Variants in TBXAS1 observed in about 807,000 individuals in gnomAD.
TBXAS1 encodes the protein thromboxane-A synthase.
In TBXAS1, 48 loss-of-function variants were observed where a neutral mutation model predicts 60.7. The ratio of observed to expected loss-of-function variants is 0.79; its 90% CI spans 0.63 to 1.01. The LOEUF (loss-of-function observed/expected upper bound fraction) is 1.01. Ranked by LOEUF, TBXAS1 falls within the 50% of genes least tolerant of loss-of-function variation. TBXAS1 has a pLI of 0.00. For missense variants in TBXAS1, 685 were observed against 686.3 expected (o/e 1.00, Z 0.02); for synonymous variants, 287 against 269.7 (o/e 1.06, Z -0.63).
intron 9 of TBXAS1, among the ~76,000 whole-genome samples, chr7:139,966,107 G>C (rs1011376993): frequency 6.6e-6 from 1 of 152,150 alleles, no homozygotes; most frequent in Admixed American, 6.5e-5. Context: ...CCAGCCCTAC[G>C]CACGAGGGTG....
intron 4 of TBXAS1, among the ~76,000 whole-genome samples, chr7:139,815,727 G>C (rs1311061160): frequency 1.3e-5 from 2 of 152,222 alleles, no homozygotes; most frequent in East Asian, 3.9e-4. Flanking sequence ...TGAAGTGCAA[G>C]TATGAGACCA....
intron 4 of TBXAS1, among the ~76,000 whole-genome samples, chr7:139,795,057 AT>A (rs1456189531): frequency 4.2e-5 from 2 of 48,070 alleles, no homozygotes. Flanking sequence ...GTCAAATGGT[AT>A]TTCCAGTTCT....
chr7:139,929,033 GAGA>G (rs1219048510), intron 4 of TBXAS1, among the ~76,000 whole-genome samples: 13 of 152,116 alleles, frequency 8.5e-5, no homozygotes, highest in Non-Finnish European at 5.9e-5. Context: ...AACAGCTCAC[GAGA>G]AGGACCACAC....
chr7:139,854,149 C>T (rs914278314), intron 1 of TBXAS1, among the ~76,000 whole-genome samples: 1 of 152,078 alleles, frequency 6.6e-6, no homozygotes, highest in African/African-American at 2.4e-5. Flanking sequence ...GGCACTTGTA[C>T]AGCCCTGAGA....
chr7:139,957,871 C>A, intron 8 of TBXAS1, 107 bp downstream of exon 8: 1 of 1,498,794 alleles, frequency 6.7e-7, no homozygotes, highest in South Asian at 1.2e-5. Flanking sequence ...CACACCGTGC[C>A]GTCCTTCAGC....
chr7:139,832,727 A>G (rs903302754), intron 1 of TBXAS1, among the ~76,000 whole-genome samples: 2 of 152,212 alleles, frequency 1.3e-5, no homozygotes, highest in African/African-American at 2.4e-5. Context: ...CAGGTAACCT[A>G]TAAAGGAAAA....
chr7:139,881,180 A>G (rs890675471), intron 3 of TBXAS1, among the ~76,000 whole-genome samples: 1 of 152,142 alleles, frequency 6.6e-6, no homozygotes, highest in Non-Finnish European at 1.5e-5. Flanking sequence ...GTAGCCTTTT[A>G]TATGCCTTAA....
Position 139,836,106 on chromosome 7 carries a change from ACC to A in TBXAS1, c.89+6628_89+6629del, listed in dbSNP as rs1799044260. Among the ~76,000 whole-genome samples the A allele has an allele frequency of 8.6e-5, 13 of 151,922 alleles. No homozygotes were observed. The South Asian group carries it at 2.7e-3, about 31-fold the overall frequency. On this transcript the variant is annotated intron_variant, in intron 1 of 12. Transcript: ENST00000448866. ...AATAAAATACTTAGGAACATACCTAACCAAAGAGTTGAAAAGCCTCTACAGGG... is the reference window on the plus strand; with the variant it reads ...AATAAAATACTTAGGAACATACCTAAAAAGAGTTGAAAAGCCTCTACAGGG...
intron 4 of TBXAS1, among the ~76,000 whole-genome samples, chr7:139,912,455 A>G (rs1002390281): frequency 2.0e-5 from 3 of 152,206 alleles, no homozygotes; most frequent in Non-Finnish European, 4.4e-5. Flanking sequence ...GGGGGTTCCA[A>G]TTAGACCTCA....
rs1038856811 is a variant in TBXAS1, at chr7:139,924,604, C to T, written c.334-11587C>T. Among the ~76,000 whole-genome samples the T allele has an allele frequency of 9.9e-5, 15 of 152,214 alleles. No homozygotes were observed. In the South Asian group the frequency reaches 1.9e-3, roughly 19 times the overall value. ...GCAAATACTTCCTCCCAGTCTGTGG[C>T]TTGTCTCTTCACTTTGCTGATTGTT... On this transcript the variant is annotated intron_variant, in intron 4 of 12. Transcript: ENST00000448866.
intron 3 of TBXAS1, among the ~76,000 whole-genome samples, chr7:139,883,750 G>T (rs1437350711): frequency 6.6e-6 from 1 of 152,166 alleles, no homozygotes; most frequent in African/African-American, 2.4e-5. Context: ...GTTTAATCAT[G>T]AACCTCAGTA....
intron 12 of TBXAS1, 51 bp from the exon 13 acceptor site, chr7:140,019,973 CA>C: frequency 6.4e-7 from 1 of 1,554,436 alleles, no homozygotes; most frequent in Non-Finnish European, 8.9e-7. Flanking sequence ...TTCATTTGTA[CA>C]GTGAGATGCT....
upstream of TBXAS1, among the ~76,000 whole-genome samples, chr7:139,826,675 T>C (rs1798445889): frequency 2.0e-5 from 3 of 152,284 alleles, no homozygotes; most frequent in Admixed American, 1.3e-4. Context: ...GGGCTAACCA[T>C]AAGATTTACC....
intron 9 of TBXAS1, among the ~76,000 whole-genome samples, chr7:139,964,799 A>C (rs17181314): frequency 0.09 from 13,658 of 152,310 alleles, 721 homozygotes; most frequent in Middle Eastern, 0.14. Flanking sequence ...TAGAAGGCAG[A>C]AGATAATCAG....
chr7:139,924,678 A>G (rs1437878971), intron 4 of TBXAS1, among the ~76,000 whole-genome samples: 1 of 151,890 alleles, frequency 6.6e-6, no homozygotes, highest in African/African-American at 2.4e-5. Flanking sequence ...TCAATCGTCC[A>G]TTTTTGCGTT....
chr7:139,901,488 C>T (rs138862439), intron 3 of TBXAS1, among the ~76,000 whole-genome samples: 21 of 152,144 alleles, frequency 1.4e-4, no homozygotes, highest in South Asian at 6.2e-4. Flanking sequence ...CCAAAAGTTG[C>T]GTGTGCCCTA....
upstream of TBXAS1, among the ~76,000 whole-genome samples, chr7:139,825,744 GT>G (rs1455375824): frequency 6.6e-6 from 1 of 152,140 alleles, no homozygotes; most frequent in East Asian, 1.9e-4. Flanking sequence ...CCCTTTCTGG[GT>G]TTCTGTTTTC....
At chr7:139,818,833 A>G (rs1227585251) in intron 4 of TBXAS1, among the ~76,000 whole-genome samples, 1 of 152,150 alleles carries the variant, frequency 6.6e-6, no homozygotes, top group East Asian at 1.9e-4. Context: ...AGCTGGGGGA[A>G]GGCTCCTGGT....
intron 1 of TBXAS1, among the ~76,000 whole-genome samples, chr7:139,835,711 T>C (rs894307337): frequency 3.3e-5 from 5 of 152,042 alleles, no homozygotes; most frequent in Non-Finnish European, 7.4e-5. Flanking sequence ...CCTCTGAGAA[T>C]TGGAACAAGA....
Sources: gnomAD v4.1 joint callset for allele counts (sites outside exome capture counted in the v4.1 genomes callset) on GRCh38, gnomAD v4.1.1 for gene constraint, MANE v1.5 for transcripts, NCBI Gene and HGNC (gene_info 2026-07-23, HGNC 2026-07-21) for gene names.